Variants in MGST1 observed in about 807,000 individuals in gnomAD.
MGST1 encodes glutathione S-transferase 12.
Under a neutral mutation model 8.9 loss-of-function variants are expected in MGST1, and 5 were observed. That is an observed-to-expected ratio of 0.56 (90% CI 0.29 to 1.19). The LOEUF (loss-of-function observed/expected upper bound fraction) is 1.19, where lower values mean the gene tolerates loss of function less well. Ranked by LOEUF, MGST1 falls within the 50% of genes most tolerant of loss-of-function variation. The probability of loss-of-function intolerance (pLI) is 0.08; values close to 1 mark genes in which losing one functional copy is unlikely to be tolerated. For missense variants in MGST1, 182 were observed against 187.4 expected, an observed-to-expected ratio of 0.97 and a Z score of 0.17; for synonymous variants, 54 against 67.8, an observed-to-expected ratio of 0.80 and a Z score of 1.00.
intron 4 of MGST1, among the ~76,000 whole-genome samples, chr12:16,492,417 T>G (rs1461518894): frequency 6.6e-6 from 1 of 152,120 alleles, no homozygotes; most frequent in Non-Finnish European, 1.5e-5. Flanking sequence ...CGGTTTGTGT[T>G]ACAGCCAATT....
intron 1 of MGST1, among the ~76,000 whole-genome samples, chr12:16,429,029 C>T (rs1365271109): frequency 6.6e-6 from 1 of 151,856 alleles, no homozygotes; most frequent in Non-Finnish European, 1.5e-5. Flanking sequence ...TTGAAATCTT[C>T]CCTGCCCTTT....
rs964572884 is a variant in MGST1, at chr12:16,503,769, C to T, written n.483-85759C>T. Among the ~76,000 whole-genome samples, 1 of 152,112 alleles carries T rather than the reference C, an allele frequency of 6.6e-6. No homozygotes were observed. The highest frequency in any genetic ancestry group is 2.4e-5 in the African/African-American group (1 of 41,398). On this transcript the variant is annotated intron_variant and non_coding_transcript_variant, in intron 4 of 4. Transcript: ENST00000538857. This position sits in a 1 kb window ranked among gnomAD's most constrained non-coding sequence, Gnocchi z 4.8. Reference sequence around the variant, plus strand: ...TACCACCCCTTTCCATGACAATGACCCAACGACCTGGAAGTTACCACCCTT... The same window carrying T: ...TACCACCCCTTTCCATGACAATGACTCAACGACCTGGAAGTTACCACCCTT...
At chr12:16,471,290 G>A (rs1268174466) in intron 4 of MGST1, among the ~76,000 whole-genome samples, 2 of 152,070 alleles carry the variant, frequency 1.3e-5, no homozygotes, top group Non-Finnish European at 2.9e-5. Flanking sequence ...ATGGAGAACC[G>A]CAAAAATATG....
chr12:16,363,562 T>C lies in MGST1; in HGVS notation c.222-233T>C, dbSNP rs1451206755. The C allele has an allele frequency of 3.3e-6, 1 of 302,598 alleles. No homozygotes were observed. Among genetic ancestry groups the C allele is most frequent in the Non-Finnish European group, 6.1e-6 (1 of 165,170 alleles). 18.7% of individuals were successfully genotyped at this position (302,598 alleles called of 1,614,324 possible). A position where few individuals can be genotyped will look rare whatever the true frequency, so the allele number is the denominator to read the frequency against. Reference sequence around the variant, plus strand: ...GATATTCTAGGAACTACAAAATGCCTTCTGTGATATTTAAAGATACACTAA... The same window carrying C: ...GATATTCTAGGAACTACAAAATGCCCTCTGTGATATTTAAAGATACACTAA... On this transcript the variant is annotated intron_variant, in intron 3 of 3. Transcript: ENST00000396210. This position sits in a 1 kb window ranked among gnomAD's most constrained non-coding sequence, Gnocchi z 4.6.
In MGST1 at chr12:16,548,143, C is replaced by T. The variant is rs1001145754; in HGVS notation, n.483-41385C>T. 1.3e-5 allele frequency among the ~76,000 whole-genome samples: 2 copies of T among 152,082 alleles called. No homozygotes were observed. Among genetic ancestry groups the T allele is most frequent in the Admixed American group, 6.6e-5 (1 of 15,256 alleles). On this transcript the variant is annotated intron_variant and non_coding_transcript_variant, in intron 4 of 4. Transcript: ENST00000538857. This position sits in a 1 kb window ranked among gnomAD's most constrained non-coding sequence, Gnocchi z 4.2. ...CAAAATTACACCCAGCAATTGCTAC[C>T]TTCATTTTTGAGAGTTTTATTTTCC... is the stretch of plus-strand genomic sequence containing the variant.
At chr12:16,557,871 C>G (rs16912020) in intron 4 of MGST1, among the ~76,000 whole-genome samples, 2 of 151,768 alleles carry the variant, frequency 1.3e-5, no homozygotes, top group African/African-American at 2.4e-5. Context: ...GTGCTGAAAT[C>G]TGAATCTCTT....
chr12:16,441,449 G>T (rs1318048153), downstream of MGST1, among the ~76,000 whole-genome samples: 2 of 151,782 alleles, frequency 1.3e-5, no homozygotes, highest in African/African-American at 2.4e-5. Flanking sequence ...GTATTGTAAA[G>T]AATAGTTTTG....
intron 4 of MGST1, among the ~76,000 whole-genome samples, chr12:16,491,058 C>T (rs1298654932): frequency 6.6e-6 from 1 of 152,118 alleles, no homozygotes; most frequent in Non-Finnish European, 1.5e-5. Context: ...TAATCAAATT[C>T]TCTCGATATA....
chr12:16,491,109 T>C (rs1941435191), intron 4 of MGST1, among the ~76,000 whole-genome samples: 1 of 152,176 alleles, frequency 6.6e-6, no homozygotes, highest in Non-Finnish European at 1.5e-5. Context: ...TGTTTATGGT[T>C]CAAGCTCAGC....
intron 1 of MGST1, among the ~76,000 whole-genome samples, chr12:16,390,919 C>T (rs1250876095): frequency 6.6e-6 from 1 of 151,972 alleles, no homozygotes; most frequent in African/African-American, 2.4e-5. Context: ...ATTTACACTC[C>T]CACCAAGAGT....
At chr12:16,388,130 C>A (rs1032679167) in intron 1 of MGST1, among the ~76,000 whole-genome samples, 1 of 151,116 alleles carries the variant, frequency 6.6e-6, no homozygotes, top group Non-Finnish European at 1.5e-5. Flanking sequence ...AAAGTAATTG[C>A]GGTTTTTGCC....
downstream of MGST1, among the ~76,000 whole-genome samples, chr12:16,590,210 A>T (rs969092318): frequency 2.0e-5 from 3 of 152,126 alleles, no homozygotes; most frequent in African/African-American, 7.2e-5. Context: ...TTTGAGGATT[A>T]TGCTTAGCTC....
chr12:16,479,235 CTTTTTT>C (rs542448251), intron 4 of MGST1, among the ~76,000 whole-genome samples: 3 of 112,050 alleles, frequency 2.7e-5, no homozygotes, highest in African/African-American at 7.1e-5. Context: ...TAGACTGTAT[CTTTTTT>C]TTTTTTTTTT....
Position 16,560,800 on chromosome 12 carries a change from A to G in MGST1, n.483-28728A>G, listed in dbSNP as rs755628641. The G allele has an allele frequency of 1.0e-5, 5 of 488,330 alleles. No individual in the cohort carries two copies. The Admixed American group carries it at 1.4e-4, about 14-fold the overall frequency. 30.2% of individuals were successfully genotyped at this position (488,330 alleles called of 1,614,324 possible). On this transcript the variant is annotated intron_variant and non_coding_transcript_variant, in intron 4 of 4. Transcript: ENST00000538857. This position sits in a 1 kb window ranked among gnomAD's most constrained non-coding sequence, Gnocchi z 5.0. ...AGGAAGCTTACGTAACTGCACATAAACAGAAGTCAATGGGGGTGAATTCAT... is the reference window on the plus strand; with the variant it reads ...AGGAAGCTTACGTAACTGCACATAAGCAGAAGTCAATGGGGGTGAATTCAT...
intron 4 of MGST1, among the ~76,000 whole-genome samples, chr12:16,573,285 T>A (rs1942882252): frequency 6.6e-6 from 1 of 152,126 alleles, no homozygotes; most frequent in Non-Finnish European, 1.5e-5. Context: ...CATTAGTGAA[T>A]GAAGTCAGAT....
Position 16,517,836 on chromosome 12 carries a change from G to T in MGST1, n.483-71692G>T, listed in dbSNP as rs1278602365. 6.6e-6 allele frequency among the ~76,000 whole-genome samples: 1 copy of T among 152,142 alleles called. No individual in the cohort carries two copies. The highest frequency in any genetic ancestry group is 1.5e-5 in the Non-Finnish European group (1 of 68,026). On this transcript the variant is annotated intron_variant and non_coding_transcript_variant, in intron 4 of 4. Coordinates refer to the MGST1 transcript ENST00000538857. This position sits in a 1 kb window ranked among gnomAD's most constrained non-coding sequence, Gnocchi z 4.2. ...AATTTCTTATTGGAGATTAGTATAT[G>T]GACATTCTAGTTATGTTAATACATA...
At chr12:16,439,965 G>A (rs765086147), downstream of MGST1, among the ~76,000 whole-genome samples, 11 of 151,584 alleles carry the variant, frequency 7.3e-5, no homozygotes, top group Non-Finnish European at 1.5e-4. Flanking sequence ...TTTTCTATCA[G>A]CTCCCAGAAA....
intron 4 of MGST1, chr12:16,567,357 G>A (rs2137399579): frequency 6.5e-6 from 1 of 153,660 alleles, no homozygotes; most frequent in South Asian, 2.0e-4. Flanking sequence ...GAAATGTTCA[G>A]TGGACTATGG....
chr12:16,408,052 A>G (rs946350692), intron 1 of MGST1, among the ~76,000 whole-genome samples: 2 of 141,696 alleles, frequency 1.4e-5, no homozygotes, highest in Non-Finnish European at 3.0e-5. Context: ...AAAAAAAAAA[A>G]AAAAAAGACA....
Sources: allele counts gnomAD v4.1 joint callset (sites outside exome capture counted in the v4.1 genomes callset), GRCh38; gene constraint gnomAD v4.1.1; non-coding constraint Gnocchi (gnomAD v3.1); transcripts MANE v1.5; gene names NCBI Gene and HGNC (gene_info 2026-07-23, HGNC 2026-07-21).